MCTP2: variants seen among roughly 807,000 people sequenced by gnomAD.
MCTP2 encodes multiple C2 and transmembrane domain-containing protein 2.
A neutral mutation model predicts 111.6 loss-of-function variants in MCTP2; 132 were observed. The observed-to-expected ratio is 1.18, with a 90% CI of 1.03 to 1.37. The LOEUF is 1.37. MCTP2 is among the 40% of genes most tolerant of loss of function. MCTP2 has a pLI of 0.00. For missense variants in MCTP2, 1,183 were observed against 1,067.9 expected (o/e 1.11, Z -1.50); for synonymous variants, 395 against 387.7 (o/e 1.02, Z -0.22).
intron 17 of MCTP2, among the ~76,000 whole-genome samples, chr15:94,417,180 C>G (rs1366647178): frequency 1.3e-5 from 2 of 152,096 alleles, no homozygotes. Context: ...TTGGTTTTAC[C>G]TGAACATCTG....
chr15:94,286,498 C>G (rs1443143815), intron 1 of MCTP2, among the ~76,000 whole-genome samples: 3 of 152,040 alleles, frequency 2.0e-5, no homozygotes, highest in African/African-American at 7.2e-5. Flanking sequence ...TGGATTGATA[C>G]TAGATTGTGA....
chr15:94,394,043 C>G (rs896208857), intron 14 of MCTP2, among the ~76,000 whole-genome samples: 6 of 122,162 alleles, frequency 4.9e-5, no homozygotes, highest in Non-Finnish European at 8.1e-5. Context: ...GAGCAGAACT[C>G]CATCTCAAAA....
intron 1 of MCTP2, among the ~76,000 whole-genome samples, chr15:94,267,869 C>CTTTCTTTTTTTTTTTTTTTTT (rs1555443740): frequency 1.3e-5 from 1 of 77,454 alleles, no homozygotes; most frequent in African/African-American, 5.7e-5. Flanking sequence ...CCTTTTCTTT[C>CTTTCTTTTTTTTTTTTTTTTT]TTTTTTTTTT....
chr15:94,288,639 T>C (rs1366756603), intron 1 of MCTP2, among the ~76,000 whole-genome samples: 1 of 152,218 alleles, frequency 6.6e-6, no homozygotes, highest in Non-Finnish European at 1.5e-5. Context: ...ATGTCCAAGG[T>C]ATAATTTATA....
chr15:94,332,856 A>G (rs183197263), intron 4 of MCTP2, among the ~76,000 whole-genome samples: 1 of 152,344 alleles, frequency 6.6e-6, no homozygotes, highest in Admixed American at 6.5e-5. Context: ...TAGTTTTTAG[A>G]AAATGTTACA....
intron 1 of MCTP2, among the ~76,000 whole-genome samples, chr15:94,247,695 T>G: frequency 6.6e-6 from 1 of 152,216 alleles, no homozygotes; most frequent in East Asian, 1.9e-4. Context: ...TTAATGCCTC[T>G]GTAAAAAGCT....
At chr15:94,302,598 A>G (rs1346492557) in intron 2 of MCTP2, among the ~76,000 whole-genome samples, 1 of 152,198 alleles carries the variant, frequency 6.6e-6, no homozygotes, top group Non-Finnish European at 1.5e-5. Context: ...CTCCAGATCC[A>G]CACCCTACTG....
intron 4 of MCTP2, among the ~76,000 whole-genome samples, chr15:94,338,673 G>C (rs922157347): frequency 6.6e-6 from 1 of 152,148 alleles, no homozygotes; most frequent in African/African-American, 2.4e-5. Context: ...GGCCAGCTGA[G>C]GGCCTGGCTG....
intron 7 of MCTP2, chr15:94,342,072 T>C (rs1490153896): frequency 6.6e-6 from 1 of 152,084 alleles, no homozygotes; most frequent in Non-Finnish European, 1.5e-5. Flanking sequence ...TAAATAGTTA[T>C]TTGTCACGTG....
At chr15:94,343,991 T>C (rs2077814336) in intron 7 of MCTP2, 1 of 152,118 alleles carries the variant, frequency 6.6e-6, no homozygotes, top group Non-Finnish European at 1.5e-5. Context: ...AATAGCCCTG[T>C]GTACCTAAAA....
intron 1 of MCTP2, among the ~76,000 whole-genome samples, chr15:94,245,697 AATAT>A (rs1270146336): frequency 7.0e-6 from 1 of 143,694 alleles, no homozygotes; most frequent in African/African-American, 2.6e-5. Context: ...TACATATATA[AATAT>A]ATGTGTGTGT....
chr15:94,278,479 G>A (rs558114042), intron 1 of MCTP2, among the ~76,000 whole-genome samples: 1 of 152,180 alleles, frequency 6.6e-6, no homozygotes, highest in East Asian at 1.9e-4. Flanking sequence ...TAACAATTCA[G>A]GATAGAGTAA....
intron 2 of MCTP2, among the ~76,000 whole-genome samples, chr15:94,306,660 A>G (rs778219689): frequency 6.6e-6 from 1 of 152,250 alleles, no homozygotes; most frequent in Non-Finnish European, 1.5e-5. Flanking sequence ...ACTAATAATT[A>G]TGAAAGAAAG....
intron 14 of MCTP2, among the ~76,000 whole-genome samples, chr15:94,389,379 G>A (rs1315916069): frequency 1.3e-5 from 2 of 152,076 alleles, no homozygotes; most frequent in Non-Finnish European, 2.9e-5. Context: ...GGGAGGTCTC[G>A]GTTACTGTTT....
intron 18 of MCTP2, among the ~76,000 whole-genome samples, chr15:94,441,113 A>G (rs1247480154): frequency 6.6e-6 from 1 of 152,130 alleles, no homozygotes; most frequent in South Asian, 2.1e-4. Flanking sequence ...TCACCTTCAC[A>G]TTTGGTTTCC....
intron 10 of MCTP2, among the ~76,000 whole-genome samples, chr15:94,361,519 C>G (rs905813655): frequency 2.0e-5 from 3 of 152,186 alleles, no homozygotes; most frequent in Non-Finnish European, 4.4e-5. Flanking sequence ...GTCATCATGG[C>G]TAACAGTAAC....
chr15:94,273,694 T>A (rs545087290), intron 1 of MCTP2: 5 of 179,058 alleles, frequency 2.8e-5, no homozygotes, highest in African/African-American at 9.4e-5. Flanking sequence ...GGTTAACAAA[T>A]TGGCAAGTAG....
In MCTP2 at chr15:94,235,679, G is replaced by A. The variant is rs565060836; in HGVS notation, c.-66+4015G>A. Reference sequence around the variant, plus strand: ...ATCTTCGGTACAAACCCTGGGTAACGCAGGGCTATGATCAACTGGATTTAA... The same window carrying A: ...ATCTTCGGTACAAACCCTGGGTAACACAGGGCTATGATCAACTGGATTTAA... On this transcript the variant is annotated intron_variant, in intron 1 of 22. Transcript: ENST00000357742. Among the ~76,000 whole-genome samples the A allele has an allele frequency of 1.3e-4, 20 of 152,112 alleles. No homozygotes were observed. In the South Asian group the frequency reaches 2.9e-3, roughly 22 times the overall value.
intron 20 of MCTP2, among the ~76,000 whole-genome samples, chr15:94,460,129 A>C (rs1285999745): frequency 3.3e-5 from 5 of 152,244 alleles, no homozygotes; most frequent in Non-Finnish European, 7.3e-5. Flanking sequence ...ATAGCCAATT[A>C]GAATTCAGTA....
Sources: allele counts gnomAD v4.1 joint callset (sites outside exome capture counted in the v4.1 genomes callset), GRCh38; gene constraint gnomAD v4.1.1; transcripts MANE v1.5; gene names NCBI Gene and HGNC (gene_info 2026-07-23, HGNC 2026-07-21).